The following TMEM182 variants were observed in gnomAD, a reference collection of about 807,000 sequenced individuals.
The protein encoded by TMEM182 is transmembrane protein 182.
In TMEM182, 20 loss-of-function variants were observed where a neutral mutation model predicts 26.8. The observed-to-expected ratio is 0.75, with a 90% CI of 0.53 to 1.09. TMEM182 has a LOEUF of 1.09. Ranked by LOEUF, TMEM182 falls within the 50% of genes least tolerant of loss-of-function variation. The pLI is 0.00. For synonymous variants in TMEM182, 109 were observed against 102.2 expected, an observed-to-expected ratio of 1.07 and a Z score of -0.40; for missense variants, 277 against 275.5, an observed-to-expected ratio of 1.01 and a Z score of -0.04.
intron 3 of TMEM182, among the ~76,000 whole-genome samples, chr2:102,794,990 T>G (rs886309163): frequency 3.9e-5 from 6 of 152,180 alleles, no homozygotes; most frequent in Admixed American, 6.5e-5. Context: ...TTGTTTTCAA[T>G]CTTTTTTCTT....
intron 1 of TMEM182, among the ~76,000 whole-genome samples, chr2:102,745,453 CT>C (rs1679666434): frequency 6.6e-6 from 1 of 152,092 alleles, no homozygotes; most frequent in South Asian, 2.1e-4. Flanking sequence ...CTCTCAGACC[CT>C]TCTCTCCCTC....
chr2:102,769,880 T>G (rs1558761638), intron 3 of TMEM182, among the ~76,000 whole-genome samples: 1 of 152,204 alleles, frequency 6.6e-6, no homozygotes, highest in Non-Finnish European at 1.5e-5. Context: ...TGTTTTGAAG[T>G]AGAGCATGGT....
intron 3 of TMEM182, among the ~76,000 whole-genome samples, chr2:102,825,627 A>G (rs528679048): frequency 6.6e-6 from 1 of 152,176 alleles, no homozygotes; most frequent in Non-Finnish European, 1.5e-5. Flanking sequence ...TATCCACCCA[A>G]CATTATTGTG....
At chr2:102,755,652 G>A (rs1680010807) in intron 1 of TMEM182, among the ~76,000 whole-genome samples, 1 of 152,146 alleles carries the variant, frequency 6.6e-6, no homozygotes, top group African/African-American at 2.4e-5. Context: ...TAACAGTAGT[G>A]CTCTGTAGAA....
Position 102,815,953 on chromosome 2 carries a change from A to G in TMEM182, c.*985A>G, listed in dbSNP as rs893076908. The G allele has an allele frequency of 2.0e-6, 2 of 984,116 alleles. No homozygotes were observed. Among genetic ancestry groups the G allele is most frequent in the African/African-American group, 1.7e-5 (1 of 57,218 alleles). 61.0% of individuals were successfully genotyped at this position (984,116 alleles called of 1,614,324 possible). On this transcript the variant is annotated 3_prime_UTR_variant, in exon 5 of 5. Transcript: ENST00000412401. ...AAATATTAACTTTCCCCAAGATGTTATGGGTTCCAGTTCTTCTGATCATTT... is the reference window on the plus strand; with the variant it reads ...AAATATTAACTTTCCCCAAGATGTTGTGGGTTCCAGTTCTTCTGATCATTT...
chr2:102,787,905 A>G (rs1681465280), intron 3 of TMEM182, among the ~76,000 whole-genome samples: 1 of 152,202 alleles, frequency 6.6e-6, no homozygotes, highest in Non-Finnish European at 1.5e-5. Context: ...AAGACAGAGG[A>G]AAGAACACAT....
At chr2:102,744,707 C>T (rs1295621068) in intron 1 of TMEM182, among the ~76,000 whole-genome samples, 2 of 152,038 alleles carry the variant, frequency 1.3e-5, no homozygotes, top group African/African-American at 4.8e-5. Flanking sequence ...TTCCTTTAGC[C>T]CTTAAAATAT....
chr2:102,754,127 A>G (rs1679965332), intron 1 of TMEM182, among the ~76,000 whole-genome samples: 1 of 152,114 alleles, frequency 6.6e-6, no homozygotes, highest in Non-Finnish European at 1.5e-5. Flanking sequence ...TAGGGAAGCA[A>G]TTGTTCTTCG....
intron 2 of TMEM182, among the ~76,000 whole-genome samples, chr2:102,763,017 T>C (rs1680279936): frequency 2.0e-5 from 3 of 152,328 alleles, no homozygotes; most frequent in African/African-American, 7.2e-5. Flanking sequence ...GTGAATACTA[T>C]GTTGCAAATA....
upstream of TMEM182, chr2:102,758,544 C>T: frequency 1.4e-6 from 1 of 714,662 alleles, no homozygotes; most frequent in Non-Finnish European, 2.6e-6. Context: ...TTGAAAACAT[C>T]TGTACAGGAA....
chr2:102,751,404 G>A (rs1168369455), intron 1 of TMEM182, among the ~76,000 whole-genome samples: 1 of 152,076 alleles, frequency 6.6e-6, no homozygotes, highest in Non-Finnish European at 1.5e-5. Context: ...GCTGCCTACT[G>A]CAAATGTGGT....
At chr2:102,745,170 G>A (rs981827439) in intron 1 of TMEM182, among the ~76,000 whole-genome samples, 8 of 150,346 alleles carry the variant, frequency 5.3e-5, no homozygotes, top group East Asian at 1.9e-4. Flanking sequence ...CTGTGTTTAC[G>A]TTCACCAATT....
intron 3 of TMEM182, among the ~76,000 whole-genome samples, chr2:102,788,526 A>G (rs1482913580): frequency 6.6e-6 from 1 of 151,694 alleles, no homozygotes; most frequent in Non-Finnish European, 1.5e-5. Flanking sequence ...TTGGACTATT[A>G]TTACTCCTGT....
intron 3 of TMEM182, among the ~76,000 whole-genome samples, chr2:102,764,724 G>T (rs1364910435): frequency 6.6e-6 from 1 of 151,972 alleles, no homozygotes; most frequent in Middle Eastern, 3.2e-3. Context: ...GCTTCTTAAG[G>T]TTTTAACAGA....
chr2:102,814,791 C>T lies in TMEM182; in HGVS notation c.513C>T (p.Val171=), dbSNP rs1479675042. 5.6e-6 allele frequency: 9 copies of T among 1,613,790 alleles called. No individual in the cohort carries two copies. The highest frequency in any genetic ancestry group is 7.6e-6 in the Non-Finnish European group (9 of 1,179,916). The change falls in exon 5 of 5, where the codon GTC becomes GTT. Residue 171 remains valine, a synonymous_variant. Coordinates refer to ENST00000412401, the MANE Select transcript of TMEM182 (RefSeq NM_144632.5). The stretch of plus-strand genomic sequence containing the variant: ...TGGTGATGCTGTATGTCATCTGGGT[C>T]CAGGCAGTGGCTGACATGGAAAGCT... ...SLVVMLYVIW[V]QAVADMESYR...
intron 3 of TMEM182, among the ~76,000 whole-genome samples, chr2:102,838,660 G>T (rs1400846338): frequency 6.6e-6 from 1 of 152,162 alleles, no homozygotes; most frequent in Admixed American, 6.5e-5. Context: ...ATGTTGAAGT[G>T]GACAACAGGG....
chr2:102,842,054 C>G (rs1683361945), intron 3 of TMEM182, among the ~76,000 whole-genome samples: 1 of 152,084 alleles, frequency 6.6e-6, no homozygotes, highest in African/African-American at 2.4e-5. Flanking sequence ...ATTTTAATAT[C>G]ATTTTGAATA....
chr2:102,775,746 C>T (rs1680889319), intron 3 of TMEM182, among the ~76,000 whole-genome samples: 1 of 152,072 alleles, frequency 6.6e-6, no homozygotes, highest in South Asian at 2.1e-4. Flanking sequence ...ACACCAACAA[C>T]AGACAAACAG....
intron 3 of TMEM182, among the ~76,000 whole-genome samples, chr2:102,833,571 TG>T (rs906611714): frequency 8.5e-5 from 13 of 152,238 alleles, no homozygotes; most frequent in Non-Finnish European, 1.5e-5. Flanking sequence ...AAGTTAACCT[TG>T]GTACAATACC....
Sources: allele counts gnomAD v4.1 joint callset (sites outside exome capture counted in the v4.1 genomes callset), GRCh38; gene constraint gnomAD v4.1.1; transcripts MANE v1.5; gene names NCBI Gene and HGNC (gene_info 2026-07-23, HGNC 2026-07-21).